LHFPL3: variants seen among roughly 807,000 people sequenced by gnomAD.
LHFPL3 encodes LHFPL tetraspan subfamily member 3 protein.
In LHFPL3, 5 loss-of-function variants were observed where a neutral mutation model predicts 19.3. The ratio of observed to expected loss-of-function variants is 0.26; its 90% CI spans 0.14 to 0.54. The LOEUF (loss-of-function observed/expected upper bound fraction) is 0.54. LHFPL3 is among the 20% of genes least tolerant of loss of function. LHFPL3 has a pLI of 0.94. For missense variants in LHFPL3, 249 were observed against 307.4 expected, an observed-to-expected ratio of 0.81 and a Z score of 1.42; for synonymous variants, 133 against 126.2, an observed-to-expected ratio of 1.05 and a Z score of -0.36.
chr7:104,472,176 CA>C (rs36086761), intron 1 of LHFPL3, among the ~76,000 whole-genome samples: 1,350 of 134,314 alleles, frequency 0.01, 9 homozygotes, highest in African/African-American at 0.02. Context: ...GACCCTATCT[CA>C]AAAAAAAAAA....
intron 1 of LHFPL3, among the ~76,000 whole-genome samples, chr7:104,464,650 C>G (rs920465489): frequency 3.3e-5 from 5 of 152,236 alleles, no homozygotes; most frequent in African/African-American, 9.6e-5. Flanking sequence ...CTTGCAGTCT[C>G]TGAAGCAATG....
At chr7:104,473,739 A>G (rs902558053) in intron 1 of LHFPL3, among the ~76,000 whole-genome samples, 7 of 152,280 alleles carry the variant, frequency 4.6e-5, no homozygotes, top group Non-Finnish European at 1.0e-4. Context: ...TAAAGCATTT[A>G]GAATAGTGCC....
At chr7:104,433,207 C>G (rs950724699) in intron 1 of LHFPL3, among the ~76,000 whole-genome samples, 3 of 152,110 alleles carry the variant, frequency 2.0e-5, no homozygotes, top group African/African-American at 7.2e-5. Context: ...AGCACATATT[C>G]TAAGAGCCAT....
chr7:104,601,821 A>C (rs1790974206), intron 1 of LHFPL3, among the ~76,000 whole-genome samples: 1 of 152,048 alleles, frequency 6.6e-6, no homozygotes, highest in African/African-American at 2.4e-5. Context: ...GGTCCACATG[A>C]TCTGGAATCA....
chr7:104,644,752 C>CT (rs922673427), intron 1 of LHFPL3, among the ~76,000 whole-genome samples: 142 of 3,206 alleles, frequency 0.044, no homozygotes, highest in South Asian at 0.36. Context: ...ACATTCCTCC[C>CT]CCTCCCTGCT....
intron 1 of LHFPL3, among the ~76,000 whole-genome samples, chr7:104,556,246 G>A (rs1789828674): frequency 1.3e-5 from 2 of 152,188 alleles, no homozygotes; most frequent in Non-Finnish European, 2.9e-5. Context: ...GGGGAGCTCT[G>A]GCACCATATT....
intron 1 of LHFPL3, among the ~76,000 whole-genome samples, chr7:104,393,073 A>G (rs964559048): frequency 1.3e-5 from 2 of 152,360 alleles, no homozygotes; most frequent in East Asian, 3.9e-4. Flanking sequence ...CAAGATGGTC[A>G]GCATCATTAG....
intron 1 of LHFPL3, 47 bp downstream of exon 1, chr7:104,329,271 C>G (rs752662693): frequency 7.1e-6 from 11 of 1,542,468 alleles, no homozygotes; most frequent in African/African-American, 1.4e-5. Context: ...CCGGGGCGCC[C>G]GAGCCGGGGA....
At chr7:104,496,139 T>G (rs1273121281) in intron 1 of LHFPL3, among the ~76,000 whole-genome samples, 9 of 152,102 alleles carry the variant, frequency 5.9e-5, no homozygotes, top group East Asian at 1.9e-4. Context: ...CCCACAATAG[T>G]CCCCAGTGTG....
intron 1 of LHFPL3, among the ~76,000 whole-genome samples, chr7:104,401,827 C>T (rs79252729): frequency 0.017 from 2,534 of 152,216 alleles, 62 homozygotes; most frequent in African/African-American, 0.058. Flanking sequence ...CTCAGCCGTG[C>T]ACCCCTCATT....
intron 1 of LHFPL3, among the ~76,000 whole-genome samples, chr7:104,448,799 G>T (rs568923418): frequency 2.4e-4 from 37 of 152,252 alleles, no homozygotes; most frequent in African/African-American, 7.9e-4. Context: ...AGAATGGAAA[G>T]AAATGATTTT....
chr7:104,652,437 T>C (rs1199097219), intron 1 of LHFPL3, among the ~76,000 whole-genome samples: 1 of 152,220 alleles, frequency 6.6e-6, no homozygotes, highest in Non-Finnish European at 1.5e-5. Flanking sequence ...TAGTTGTACA[T>C]ATTTTGGGGA....
chr7:104,793,694 T>C (rs938451684), intron 2 of LHFPL3, among the ~76,000 whole-genome samples: 4 of 152,228 alleles, frequency 2.6e-5, no homozygotes, highest in African/African-American at 9.7e-5. Context: ...TTAACTCTAG[T>C]AGCCTTGTCT....
At chr7:104,643,317 A>C (rs1203401864) in intron 1 of LHFPL3, among the ~76,000 whole-genome samples, 2 of 152,134 alleles carry the variant, frequency 1.3e-5, no homozygotes, top group African/African-American at 4.8e-5. Flanking sequence ...GCTTCATAAG[A>C]CTCAGTTTTC....
intron 1 of LHFPL3, among the ~76,000 whole-genome samples, chr7:104,336,808 C>T (rs1211462501): frequency 6.6e-6 from 1 of 152,004 alleles, no homozygotes; most frequent in African/African-American, 2.4e-5. Flanking sequence ...TATGACTTAT[C>T]AATGAAAGGG....
chr7:104,342,266 A>G (rs956608453), intron 1 of LHFPL3, among the ~76,000 whole-genome samples: 10 of 152,260 alleles, frequency 6.6e-5, no homozygotes, highest in Middle Eastern at 3.4e-3. Context: ...TATGCATTAT[A>G]GTTGTGTTTC....
chr7:104,819,951 A>C (rs1790646586), intron 2 of LHFPL3, among the ~76,000 whole-genome samples: 1 of 152,178 alleles, frequency 6.6e-6, no homozygotes, highest in Non-Finnish European at 1.5e-5. Context: ...AGCAATATAC[A>C]AAACGAGCCG....
At chr7:104,372,583 C>T (rs1790636377) in intron 1 of LHFPL3, among the ~76,000 whole-genome samples, 1 of 152,186 alleles carries the variant, frequency 6.6e-6, no homozygotes, top group Non-Finnish European at 1.5e-5. Flanking sequence ...TAATGGTTAA[C>T]ATATGAGCTC....
intron 1 of LHFPL3, among the ~76,000 whole-genome samples, chr7:104,495,414 T>C (rs928718067): frequency 7.9e-5 from 12 of 152,250 alleles, no homozygotes; most frequent in East Asian, 7.7e-4. Context: ...GACGGAGTCT[T>C]GCTCTGTCGC....
Sources: gnomAD v4.1 joint callset for allele counts (sites outside exome capture counted in the v4.1 genomes callset) on GRCh38, gnomAD v4.1.1 for gene constraint, MANE v1.5 for transcripts, NCBI Gene and HGNC (gene_info 2026-07-23, HGNC 2026-07-21) for gene names.